USP28: variants seen among roughly 807,000 people sequenced by gnomAD.
USP28 encodes the protein ubiquitin specific peptidase 28, also known as ubiquitin carboxyl-terminal hydrolase 28.
Under a neutral mutation model 145.0 loss-of-function variants are expected in USP28, and 113 were observed. The observed-to-expected ratio is 0.78, with a 90% CI of 0.67 to 0.91. USP28 has a LOEUF of 0.91. USP28 is among the 40% of genes least tolerant of loss of function. The pLI is 0.00. For missense variants in USP28, 1,201 were observed against 1,289.6 expected (o/e 0.93, Z 1.05); for synonymous variants, 447 against 450.9 (o/e 0.99, Z 0.11).
At chr11:113,845,433 C>G (rs1361882571) in intron 3 of USP28, among the ~76,000 whole-genome samples, 8 of 143,278 alleles carry the variant, frequency 5.6e-5, no homozygotes, top group African/African-American at 2.1e-4. Flanking sequence ...AAGACCCTGT[C>G]TCAAAAAAAA....
chr11:113,858,621 AT>A (rs1947320845), intron 1 of USP28, among the ~76,000 whole-genome samples: 1 of 151,562 alleles, frequency 6.6e-6, no homozygotes, highest in South Asian at 2.1e-4. Flanking sequence ...TTTTATTTTA[AT>A]TTTTTTTGAG....
intron 1 of USP28, among the ~76,000 whole-genome samples, chr11:113,866,442 A>C (rs1030498264): frequency 6.6e-6 from 1 of 152,248 alleles, no homozygotes; most frequent in African/African-American, 2.4e-5. Context: ...CTTTAAGTCA[A>C]CAACCAAAAA....
chr11:113,798,493 C>T (rs1204052833), exon 25 of USP28: 1 of 152,222 alleles, frequency 6.6e-6, no homozygotes, highest in Non-Finnish European at 1.5e-5. Flanking sequence ...CTGTTTTTGA[C>T]AATTTTTAGG....
chr11:113,842,380 T>C (rs1001023043), intron 3 of USP28, among the ~76,000 whole-genome samples: 14 of 151,680 alleles, frequency 9.2e-5, no homozygotes, highest in Non-Finnish European at 1.3e-4. Flanking sequence ...GGTCAAGAGA[T>C]CGAGACCATC....
At chr11:113,808,793 T>G (rs1940477685) in intron 17 of USP28, among the ~76,000 whole-genome samples, 1 of 152,238 alleles carries the variant, frequency 6.6e-6, no homozygotes, top group African/African-American at 2.4e-5. Context: ...AACCCTATCA[T>G]AGTTTCTCCC....
chr11:113,799,436 G>A (rs377170367), intron 24 of USP28, 21 bp from the exon 26 acceptor site: 3 of 1,607,832 alleles, frequency 1.9e-6, no homozygotes, highest in African/African-American at 2.7e-5. Flanking sequence ...AAAACAGATG[G>A]TTACATATAC....
At chr11:113,830,717 C>T (rs974372026) in intron 9 of USP28, 150 bp downstream of exon 9, 8 of 586,556 alleles carry the variant, frequency 1.4e-5, no homozygotes, top group African/African-American at 5.6e-5. Flanking sequence ...AGTTTATCCA[C>T]AGTTAAACAG....
chr11:113,845,944 G>A (rs1023295120), intron 3 of USP28, among the ~76,000 whole-genome samples: 14 of 152,198 alleles, frequency 9.2e-5, no homozygotes, highest in African/African-American at 3.4e-4. Flanking sequence ...GAGCCAAGAG[G>A]TGGAAACAAC....
At chr11:113,838,223 G>T (rs767617924) in intron 5 of USP28, among the ~76,000 whole-genome samples, 15 of 152,124 alleles carry the variant, frequency 9.9e-5, no homozygotes, top group Non-Finnish European at 1.6e-4. Flanking sequence ...GGGGGGCGGT[G>T]GTTGTGAATC....
chr11:113,840,296 G>A (rs939526682), intron 5 of USP28, among the ~76,000 whole-genome samples: 13 of 151,172 alleles, frequency 8.6e-5, no homozygotes, highest in African/African-American at 3.2e-4. Flanking sequence ...CGCCTACCTG[G>A]ATAGCTATGA....
chr11:113,830,064 A>C (rs540453602), intron 9 of USP28, among the ~76,000 whole-genome samples: 1 of 152,332 alleles, frequency 6.6e-6, no homozygotes, highest in South Asian at 2.1e-4. Flanking sequence ...ACTGTGGGAA[A>C]TGCTACAGAA....
intron 23 of USP28, among the ~76,000 whole-genome samples, chr11:113,802,754 ACAT>A (rs1243004034): frequency 6.6e-6 from 1 of 152,254 alleles, no homozygotes; most frequent in African/African-American, 2.4e-5. Flanking sequence ...TTAAATGTGA[ACAT>A]GGAAAAAATG....
chr11:113,835,992 C>T (rs538036219), intron 5 of USP28, among the ~76,000 whole-genome samples: 4 of 152,122 alleles, frequency 2.6e-5, no homozygotes, highest in South Asian at 2.1e-4. Flanking sequence ...GCAGGAGAAT[C>T]GCTTGAACCC....
At chr11:113,826,086 C>T (rs60306158) in intron 11 of USP28, among the ~76,000 whole-genome samples, 1,756 of 151,990 alleles carry the variant, frequency 0.012, 36 homozygotes, top group African/African-American at 0.039. Context: ...GGATTGAGAC[C>T]ATCCTGGCCA....
At chr11:113,799,256 G>A in exon 25 of USP28, 2 of 1,613,364 alleles carry the variant, frequency 1.2e-6, no homozygotes, top group Non-Finnish European at 1.7e-6. Context: ...CACTGTCACA[G>A]TTGAAACTCC....
At chr11:113,801,747 T>G (rs1056316358) in intron 23 of USP28, 69 bp from the exon 25 acceptor site, 93 of 1,341,258 alleles carry the variant, frequency 6.9e-5, no homozygotes, top group Non-Finnish European at 9.3e-5. Context: ...AATAACAGTC[T>G]AAACAAGTGG....
Position 113,801,583 on chromosome 11 carries a change from G to T in USP28, c.2958C>A (p.Cys986Ter). ...TGTCATTATTAATGATAAGGTGAAT[G>T]CAGGGGATGATCAGTTCATTCATCA... The change falls in exon 24 of 25, where the codon TGC (cysteine) becomes TGA (stop). Residue 986 changes from cysteine (C) to a stop codon, truncating the protein, a stop_gained. Transcript: ENST00000003302. LOFTEE classifies it high-confidence loss of function. 6.2e-7 allele frequency: 1 copy of T among 1,610,992 alleles called. No homozygotes were observed. Among genetic ancestry groups the T allele is most frequent in the Non-Finnish European group, 8.5e-7 (1 of 1,177,744 alleles).
At chr11:113,827,441 T>A (rs1943509120) in intron 10 of USP28, 81 bp from the exon 11 acceptor site, 1 of 1,412,448 alleles carries the variant, frequency 7.1e-7, no homozygotes, top group Non-Finnish European at 9.4e-7. Flanking sequence ...ATATCTCTCA[T>A]TAAAGTTTCT....
intron 23 of USP28, among the ~76,000 whole-genome samples, chr11:113,802,710 T>A (rs1239432027): frequency 6.6e-6 from 1 of 152,074 alleles, no homozygotes; most frequent in Non-Finnish European, 1.5e-5. Context: ...AAAAATGGAG[T>A]GTCAGAAGTC....
Sources: allele counts gnomAD v4.1 joint callset (sites outside exome capture counted in the v4.1 genomes callset), GRCh38; gene constraint gnomAD v4.1.1; transcripts MANE v1.5; gene names NCBI Gene and HGNC (gene_info 2026-07-23, HGNC 2026-07-21).